SCN10A: variants seen among roughly 807,000 people sequenced by gnomAD.
SCN10A encodes the protein sodium voltage-gated channel alpha subunit 10, also known as sodium channel protein type 10 subunit alpha.
A neutral mutation model predicts 170.7 loss-of-function variants in SCN10A; 162 were observed. The ratio of observed to expected loss-of-function variants is 0.95; its 90% confidence interval spans 0.84 to 1.08. SCN10A has a LOEUF of 1.08. Among genes scored for constraint, SCN10A ranks in the 50% least tolerant of loss-of-function variants. The pLI, the probability that SCN10A is intolerant of heterozygous loss-of-function variation, is 0.00. For missense variants in SCN10A, 2,527 were observed against 2,436.9 expected, an observed-to-expected ratio of 1.04 and a Z score of -0.78; for synonymous variants, 985 against 904.6, an observed-to-expected ratio of 1.09 and a Z score of -1.59.
chr3:38,715,546 G>C (rs2063326048), intron 21 of SCN10A, among the ~76,000 whole-genome samples: 1 of 152,142 alleles, frequency 6.6e-6, no homozygotes, highest in Non-Finnish European at 1.5e-5. Context: ...ATTGTTCCCT[G>C]AGCATACTTG....
intron 1 of SCN10A, among the ~76,000 whole-genome samples, chr3:38,805,605 G>A (rs1559473005): frequency 6.6e-6 from 1 of 152,046 alleles, no homozygotes; most frequent in African/African-American, 2.4e-5. Context: ...ACAGGACACC[G>A]GACATATGAG....
Position 38,718,650 on chromosome 3 carries a change from C to G in SCN10A, c.3681+3G>C. On this transcript the variant is annotated splice_donor_region_variant and intron_variant, in intron 21 of 27. Transcript: ENST00000449082. ...CCCCACGTGTTCCCACTGAGCCACT[C>G]ACATTCACAATGAGGAAGTCCAGCC... is the stretch of plus-strand genomic sequence containing the variant. 4 of 1,614,044 alleles carry G rather than the reference C, an allele frequency of 2.5e-6. No homozygotes were observed. Among genetic ancestry groups the G allele is most frequent in the Non-Finnish European group, 2.5e-6 (3 of 1,179,944 alleles).
chr3:38,809,426 G>A (rs748238379), intron 1 of SCN10A, among the ~76,000 whole-genome samples: 5 of 152,322 alleles, frequency 3.3e-5, no homozygotes, highest in Non-Finnish European at 5.9e-5. Flanking sequence ...AAGTGCCAGC[G>A]GAGCTGCAGG....
chr3:38,727,161 C>T, intron 16 of SCN10A, 109 bp from the exon 17 acceptor site: 1 of 971,660 alleles, frequency 1.0e-6, no homozygotes. Flanking sequence ...TGGGCCTCTT[C>T]CTGCCCACCC....
chr3:38,782,344 T>A (rs1450764842), intron 4 of SCN10A, among the ~76,000 whole-genome samples: 1 of 152,082 alleles, frequency 6.6e-6, no homozygotes, highest in African/African-American at 2.4e-5. Flanking sequence ...CTCATTTTTA[T>A]CCCCCTCTGG....
intron 8 of SCN10A, 35 bp from the exon 9 acceptor site, chr3:38,757,194 A>G (rs1559447663): frequency 1.2e-5 from 18 of 1,557,148 alleles, no homozygotes; most frequent in Non-Finnish European, 1.4e-5. Flanking sequence ...TCCCCTGCTT[A>G]TTGCAGACAA....
At chr3:38,710,995 G>C in intron 23 of SCN10A, 98 bp from the exon 24 acceptor site, 7 of 971,230 alleles carry the variant, frequency 7.2e-6, no homozygotes, top group Non-Finnish European at 1.1e-5. Flanking sequence ...AGAGAGTCCT[G>C]TGTTGGAAAG....
chr3:38,795,347 CTTT>C (rs1219351048), intron 1 of SCN10A, among the ~76,000 whole-genome samples: 2 of 127,868 alleles, frequency 1.6e-5, no homozygotes. Flanking sequence ...TTTTCTTTTT[CTTT>C]TTTTTTTTTT....
chr3:38,742,630 C>T, intron 13 of SCN10A, 101 bp from the exon 14 acceptor site: 1 of 850,470 alleles, frequency 1.2e-6, no homozygotes, highest in Non-Finnish European at 2.0e-6. Context: ...ATAAGTACCA[C>T]CTCCAACATT....
Position 38,697,710 on chromosome 3 carries a change from G to C in SCN10A, c.5510C>G (p.Ser1837Ter). 1 of 1,614,122 alleles carries C rather than the reference G, an allele frequency of 6.2e-7. No individual in the cohort carries two copies. The highest frequency in any genetic ancestry group is 8.5e-7 in the Non-Finnish European group (1 of 1,180,020). The part of the protein sequence containing the change: ...EKFMATNLSK[S>*]SYEPIATTLR... Reference sequence around the variant, plus strand: ...AGTGGTTGCTATTGGTTCATAGGATGATTTTGAAAGATTAGTTGCCATAAA... The same window carrying C: ...AGTGGTTGCTATTGGTTCATAGGATCATTTTGAAAGATTAGTTGCCATAAA... The change falls in exon 28 of 28, where the codon TCA becomes TGA. Residue 1837 changes from serine (S) to a stop codon, truncating the protein, a stop_gained. Coordinates refer to ENST00000449082, the MANE Select transcript of SCN10A (RefSeq NM_006514.4). LOFTEE classifies it low-confidence loss of function (END_TRUNC).
chr3:38,812,031 G>A (rs1253457248), intron 1 of SCN10A, among the ~76,000 whole-genome samples: 1 of 152,214 alleles, frequency 6.6e-6, no homozygotes, highest in African/African-American at 2.4e-5. Flanking sequence ...CATGGTGACT[G>A]CCAATAAGCT....
intron 26 of SCN10A, 129 bp from the exon 27 acceptor site, chr3:38,702,238 C>CCTG: frequency 1.0e-6 from 1 of 981,438 alleles, no homozygotes; most frequent in Non-Finnish European, 1.4e-6. Context: ...CTATCCTTAC[C>CCTG]TCTTCCAAAA....
chr3:38,793,322 G>A (rs987292980), intron 2 of SCN10A, among the ~76,000 whole-genome samples: 5 of 152,112 alleles, frequency 3.3e-5, no homozygotes, highest in African/African-American at 1.2e-4. Flanking sequence ...GGGGACACCA[G>A]GGGTTCCAAG....
intron 6 of SCN10A, among the ~76,000 whole-genome samples, chr3:38,761,841 A>G (rs113939511): frequency 1.2e-5 from 1 of 84,086 alleles, no homozygotes; most frequent in Non-Finnish European, 2.5e-5. Flanking sequence ...TGTGTGTGAG[A>G]GAGAGAGAGA....
rs182981064 is a variant in SCN10A, at chr3:38,708,206, G to C, written c.4282-823C>G. Reference sequence around the variant, plus strand: ...GGCTTCCTGGGAGGACCATCTTTATGGGGGGAGAGAAGGAAAGGGCAAGGG... The same window carrying C: ...GGCTTCCTGGGAGGACCATCTTTATCGGGGGAGAGAAGGAAAGGGCAAGGG... On this transcript the variant is annotated intron_variant, in intron 25 of 27. Coordinates refer to ENST00000449082, the MANE Select transcript of SCN10A (RefSeq NM_006514.4). Among the ~76,000 whole-genome samples, 144 of 152,188 alleles carry C rather than the reference G, an allele frequency of 9.5e-4. 1 individual carries two copies. The highest frequency in any genetic ancestry group is 3.7e-3 in the East Asian group (19 of 5,168).
intron 7 of SCN10A, 81 bp from the exon 8 acceptor site, chr3:38,760,828 C>T (rs2063861816): frequency 5.2e-6 from 6 of 1,156,562 alleles, no homozygotes; most frequent in Non-Finnish European, 6.4e-6. Context: ...TGCAATATTC[C>T]CAAGTCTTCC....
chr3:38,726,832 G>C lies in SCN10A; in HGVS notation c.2861C>G (p.Ser954Cys). The change falls in exon 17 of 28, where the codon TCC becomes TGC. Residue 954 changes from serine (S) to cysteine (C), a missense_variant. Coordinates refer to ENST00000449082, the MANE Select transcript of SCN10A (RefSeq NM_006514.4). The part of the protein sequence containing the change: ...EPELVVKLPL[S>C]SSKAENHIAA... The stretch of plus-strand genomic sequence containing the variant: ...AATGTGGTTCTCAGCCTTGGAGCTG[G>C]AGAGTGGGAGTTTCACCACCAGCTC... 1 of 1,613,930 alleles carries C rather than the reference G, an allele frequency of 6.2e-7. No individual in the cohort carries two copies. Among genetic ancestry groups the C allele is most frequent in the South Asian group, 1.1e-5 (1 of 91,084 alleles).
intron 17 of SCN10A, 88 bp from the exon 18 acceptor site, chr3:38,725,402 G>T: frequency 7.5e-7 from 1 of 1,334,578 alleles, no homozygotes; most frequent in Non-Finnish European, 1.0e-6. Flanking sequence ...ATCACAGGCT[G>T]CCAGAGCCAA....
intron 13 of SCN10A, among the ~76,000 whole-genome samples, chr3:38,744,590 T>C (rs2063667673): frequency 6.6e-6 from 1 of 151,958 alleles, no homozygotes; most frequent in Admixed American, 6.5e-5. Flanking sequence ...CATATGAAGC[T>C]TTTCTCACTA....
Sources: gnomAD v4.1 joint callset for allele counts (sites outside exome capture counted in the v4.1 genomes callset) on GRCh38, gnomAD v4.1.1 for gene constraint, MANE v1.5 for transcripts, NCBI Gene and HGNC (gene_info 2026-07-23, HGNC 2026-07-21) for gene names.